The following CSDE1 variants were observed in gnomAD, a reference collection of about 807,000 sequenced individuals.
The protein encoded by CSDE1 is cold shock domain containing E1.
CSDE1 carries 17 observed loss-of-function variants against 89.3 expected under a neutral mutation model. The observed-to-expected ratio is 0.19, with a 90% CI of 0.13 to 0.29. The LOEUF (loss-of-function observed/expected upper bound fraction) is 0.29. Ranked by LOEUF, CSDE1 falls within the 10% of genes least tolerant of loss-of-function variation. The pLI, the probability that CSDE1 is intolerant of heterozygous loss-of-function variation, is 1.00. For missense variants in CSDE1, 672 were observed against 984.2 expected, an observed-to-expected ratio of 0.68 and a Z score of 4.24; for synonymous variants, 322 against 332.8, an observed-to-expected ratio of 0.97 and a Z score of 0.35.
intron 1 of CSDE1, among the ~76,000 whole-genome samples, chr1:114,756,528 A>C (rs1661605792): frequency 6.6e-6 from 1 of 152,206 alleles, no homozygotes; most frequent in South Asian, 2.1e-4. Flanking sequence ...AAAATTACTC[A>C]GCATTTTAGT....
At position 114,717,091 on chromosome 1, in the gene CSDE1, C is replaced by G. The variant is rs999577626; in HGVS notation, c.*1078G>C. The stretch of plus-strand genomic sequence containing the variant: ...ACCGCCCTCCCCCACATCCCCTGAG[C>G]TGACCCTTGTCATCTTAGACAAAGC... On this transcript the variant is annotated 3_prime_UTR_variant, in exon 20 of 20. Transcript: ENST00000358528. The G allele has an allele frequency of 1.3e-5, 2 of 152,814 alleles. No individual in the cohort carries two copies. Among genetic ancestry groups the G allele is most frequent in the African/African-American group, 4.8e-5 (2 of 41,470 alleles). 9.5% of individuals were successfully genotyped at this position (152,814 alleles called of 1,614,324 possible). A position where few individuals can be genotyped will look rare whatever the true frequency, so the allele number is the denominator to read the frequency against.
At chr1:114,738,740 A>G (rs1225052814) in intron 3 of CSDE1, among the ~76,000 whole-genome samples, 3 of 128,906 alleles carry the variant, frequency 2.3e-5, no homozygotes, top group Non-Finnish European at 3.1e-5. Flanking sequence ...GCACGATCTC[A>G]GCTCACTGCA....
intron 13 of CSDE1, among the ~76,000 whole-genome samples, chr1:114,726,756 A>G (rs1659821524): frequency 1.3e-5 from 2 of 152,250 alleles, no homozygotes; most frequent in African/African-American, 2.4e-5. Flanking sequence ...TTTATTAAGC[A>G]TGTTTTATCT....
In CSDE1 at chr1:114,717,259, C is replaced by G. The variant is rs1659229311; in HGVS notation, c.*910G>C. Reference sequence around the variant, plus strand: ...TCTGTATTTTACAGGACACAGTAACCAGGCGGCTACTTATAAAAAAAAACA... The same window carrying G: ...TCTGTATTTTACAGGACACAGTAACGAGGCGGCTACTTATAAAAAAAAACA... On this transcript the variant is annotated 3_prime_UTR_variant, in exon 20 of 20. Coordinates refer to ENST00000358528, the MANE Select transcript of CSDE1 (RefSeq NM_001007553.3). 1.3e-5 allele frequency: 2 copies of G among 152,324 alleles called. No individual in the cohort carries two copies. Among genetic ancestry groups the G allele is most frequent in the Non-Finnish European group, 2.9e-5 (2 of 67,990 alleles). The allele number at this position is 152,324 out of a possible 1,614,324, so 9.4% of individuals were successfully genotyped here.
At chr1:114,731,496 C>CAAG (rs1660096842) in intron 10 of CSDE1, among the ~76,000 whole-genome samples, 1 of 151,696 alleles carries the variant, frequency 6.6e-6, no homozygotes, top group African/African-American at 2.4e-5. Flanking sequence ...AAAAAAAACT[C>CAAG]AAGAAACTTA....
chr1:114,734,042 A>G lies in CSDE1; in HGVS notation c.658T>C (p.Leu220=), dbSNP rs1660259356. The change falls in exon 8 of 20, where the codon TTA becomes CTA. Residue 220 remains leucine (L), a synonymous_variant. Coordinates refer to ENST00000358528, the MANE Select transcript of CSDE1 (RefSeq NM_001007553.3). ...TCATCGCCAGGCTGTAAGGTTTCTA[A>G]GTCACCCTTAAATTCACTATAGTGA... ...FFHYSEFKGD[L]ETLQPGDDVE... is the part of the protein sequence containing the mutation. The G allele has an allele frequency of 6.2e-7, 1 of 1,613,376 alleles. No homozygotes were observed. The highest frequency in any genetic ancestry group is 1.3e-5 in the African/African-American group (1 of 74,942).
intron 14 of CSDE1, 58 bp downstream of exon 14, chr1:114,726,153 C>T: frequency 2.0e-6 from 3 of 1,492,300 alleles, no homozygotes; most frequent in East Asian, 2.3e-5. Context: ...GTTTTTTATT[C>T]CAACACCAAA....
intron 6 of CSDE1, 135 bp downstream of exon 6, chr1:114,736,623 C>T (rs1660415476): frequency 8.4e-6 from 5 of 597,028 alleles, no homozygotes; most frequent in Non-Finnish European, 1.5e-5. Flanking sequence ...GACCTCAAAG[C>T]ATTAGTTGAT....
In CSDE1 at chr1:114,730,605, C is replaced by CGT; in HGVS notation, c.1093_1094insAC (p.Cys365TyrfsTer28). On this transcript the variant is annotated frameshift_variant, in exon 11 of 20. Transcript: ENST00000358528. LOFTEE classifies it high-confidence loss of function. ...GAACATACGAACATCACGATCCACA[C>CGT]ACTTGATGAAACCAAAACCATCTCT... The CGT allele has an allele frequency of 6.2e-7, 1 of 1,614,040 alleles. No individual in the cohort carries two copies. Among genetic ancestry groups the CGT allele is most frequent in the East Asian group, 2.2e-5 (1 of 44,876 alleles).
chr1:114,736,586 C>T (rs1445274111), intron 6 of CSDE1, among the ~76,000 whole-genome samples, 172 bp downstream of exon 6: 1 of 147,818 alleles, frequency 6.8e-6, no homozygotes, highest in East Asian at 1.9e-4. Flanking sequence ...TGAGACCCTG[C>T]ATCATGGCTG....
chr1:114,722,743 G>A (rs1659594975), intron 16 of CSDE1, among the ~76,000 whole-genome samples: 1 of 152,206 alleles, frequency 6.6e-6, no homozygotes, highest in Non-Finnish European at 1.5e-5. Context: ...ATCATATTAT[G>A]AGTTAAAGTT....
intron 12 of CSDE1, among the ~76,000 whole-genome samples, chr1:114,728,556 G>A (rs111911404): frequency 1.3e-3 from 197 of 152,180 alleles, no homozygotes; most frequent in African/African-American, 4.6e-3. Context: ...AAAATGGCAG[G>A]GAAAGTCTCA....
intron 1 of CSDE1, among the ~76,000 whole-genome samples, chr1:114,753,505 C>T (rs1661416796): frequency 1.3e-5 from 2 of 152,182 alleles, no homozygotes. Context: ...AAATAGCTAT[C>T]CACTCATGCC....
rs1359533445 is a variant in CSDE1 at position 114,717,358 on chromosome 1, G to A, written c.*811C>T. 1 of 152,226 alleles carries A rather than the reference G, an allele frequency of 6.6e-6. No homozygotes were observed. Among genetic ancestry groups the A allele is most frequent in the African/African-American group, 2.4e-5 (1 of 41,280 alleles). 9.4% of individuals were successfully genotyped at this position (152,226 alleles called of 1,614,324 possible). On this transcript the variant is annotated 3_prime_UTR_variant, in exon 20 of 20. Transcript: ENST00000358528. ...AATCAGTAAAAGAAACCGGGTCCTA[G>A]AAGCTGCAGTGATCTAAGCAGCAGC...
chr1:114,722,801 T>C (rs1047480691), intron 16 of CSDE1, among the ~76,000 whole-genome samples: 2 of 152,166 alleles, frequency 1.3e-5, no homozygotes, highest in African/African-American at 2.4e-5. Flanking sequence ...TGTCATGGCA[T>C]TTGTTTAAAA....
intron 1 of CSDE1, among the ~76,000 whole-genome samples, chr1:114,755,536 G>A (rs1661546475): frequency 6.6e-6 from 1 of 152,158 alleles, no homozygotes; most frequent in Non-Finnish European, 1.5e-5. Context: ...TTTTAACTAG[G>A]TACCCACACA....
chr1:114,746,155 A>C (rs1294620997), intron 2 of CSDE1, among the ~76,000 whole-genome samples: 1 of 152,154 alleles, frequency 6.6e-6, no homozygotes. Context: ...TGTTTCTTCC[A>C]ATTTTCTGAA....
chr1:114,731,953 T>C (rs1281963328), intron 10 of CSDE1, among the ~76,000 whole-genome samples: 1 of 152,120 alleles, frequency 6.6e-6, no homozygotes, highest in Non-Finnish European at 1.5e-5. Context: ...TAGTTAGGAT[T>C]ACAGGTGCCC....
At position 114,719,745 on chromosome 1, in the gene CSDE1, G is replaced by GAA. The variant is rs763087885; in HGVS notation, c.2053-5_2053-4dup. ...ACTTCATAGTTAATGAAGCCAAACT[G>GAA]AAAAAAAAAAGTAGGTAAAAAAGAG... On this transcript the variant is annotated splice_region_variant and splice_polypyrimidine_tract_variant and intron_variant, in intron 17 of 19. Transcript: ENST00000358528. The GAA allele has an allele frequency of 2.0e-6, 3 of 1,465,478 alleles. No individual in the cohort carries two copies. The highest frequency in any genetic ancestry group is 9.2e-7 in the Non-Finnish European group (1 of 1,085,460). The allele number at this position is 1,465,478 out of a possible 1,614,324, so 90.8% of individuals were successfully genotyped here. A position where few individuals can be genotyped will look rare whatever the true frequency, so the allele number is the denominator to read the frequency against.
Sources: gnomAD v4.1 joint callset for allele counts (sites outside exome capture counted in the v4.1 genomes callset) on GRCh38, gnomAD v4.1.1 for gene constraint, MANE v1.5 for transcripts, NCBI Gene and HGNC (gene_info 2026-07-23, HGNC 2026-07-21) for gene names.